Variants in MED12L observed in about 807,000 individuals in gnomAD.
MED12L encodes the protein mediator complex subunit 12L, also known as mediator of RNA polymerase II transcription subunit 12-like protein.
Under a neutral mutation model 281.3 loss-of-function variants are expected in MED12L, and 60 were observed. That is an observed-to-expected ratio of 0.21 (90% confidence interval 0.17 to 0.26). MED12L has a LOEUF of 0.26. Ranked by LOEUF, MED12L falls within the 10% of genes least tolerant of loss-of-function variation. MED12L has a pLI of 1.00. For synonymous variants in MED12L, 974 were observed against 987.2 expected, an observed-to-expected ratio of 0.99 and a Z score of 0.25; for missense variants, 2,146 against 2,680.9, an observed-to-expected ratio of 0.80 and a Z score of 4.41.
At position 151,382,639 on chromosome 3, in the gene MED12L, T is replaced by G; in HGVS notation, c.4591-17T>G. 1 of 1,596,040 alleles carries G rather than the reference T, an allele frequency of 6.3e-7. No homozygotes were observed. ...GAAAAATTAAACTTTAATGGGGAGT[T>G]TTTTTCCGGATCTTAGATTTTAAGT... On this transcript the variant is annotated splice_polypyrimidine_tract_variant and intron_variant, in intron 32 of 44. Coordinates refer to ENST00000687756, the MANE Select transcript of MED12L (RefSeq NM_001393769.1).
At chr3:151,299,994 C>T (rs1011993716) in intron 16 of MED12L, 14 of 1,051,006 alleles carry the variant, frequency 1.3e-5, no homozygotes. Context: ...TTAAACTCCC[C>T]AAATTCCCAA....
chr3:151,322,997 C>A (rs1000395231), intron 16 of MED12L, among the ~76,000 whole-genome samples: 23 of 152,132 alleles, frequency 1.5e-4, no homozygotes, highest in Non-Finnish European at 1.3e-4. Flanking sequence ...TGGAACATAC[C>A]CCAAATCCAC....
intron 5 of MED12L, among the ~76,000 whole-genome samples, chr3:151,136,701 A>T (rs1272390030): frequency 2.6e-5 from 4 of 152,194 alleles, no homozygotes; most frequent in African/African-American, 9.7e-5. Flanking sequence ...GAATGGCAAG[A>T]TGTAGGCATT....
At chr3:151,221,331 TTCAAGCCGGC>T (rs1349004359) in intron 16 of MED12L, among the ~76,000 whole-genome samples, 1 of 152,176 alleles carries the variant, frequency 6.6e-6, no homozygotes, top group African/African-American at 2.4e-5. Context: ...TGACGAGAAG[TTCAAGCCGGC>T]TGCAGAAGTT....
At chr3:151,179,094 C>T (rs1389693722) in intron 11 of MED12L, among the ~76,000 whole-genome samples, 1 of 152,146 alleles carries the variant, frequency 6.6e-6, no homozygotes, top group Non-Finnish European at 1.5e-5. Context: ...AATGCCAGCA[C>T]TTTGGAAAGC....
intron 2 of MED12L, among the ~76,000 whole-genome samples, chr3:151,101,715 G>A (rs1721417107): frequency 6.6e-6 from 1 of 151,542 alleles, no homozygotes; most frequent in African/African-American, 2.4e-5. Flanking sequence ...GGGGGTGGGG[G>A]ATGGTGGTGA....
chr3:151,161,626 C>T (rs1189974322), intron 8 of MED12L, among the ~76,000 whole-genome samples: 1 of 152,182 alleles, frequency 6.6e-6, no homozygotes, highest in African/African-American at 2.4e-5. Flanking sequence ...AGGCATCGTT[C>T]TAAGTTGCAA....
At position 151,413,873 on chromosome 3, in the gene MED12L, ATT is replaced by A. The variant is rs201952932; in HGVS notation, c.6297+592_6297+593del. ...GATAAAGGGTTCTTCCCCTTGATACATTTTTTTTTTTTTTTCCCCTTAAGACG... is the reference window on the plus strand; with the variant it reads ...GATAAAGGGTTCTTCCCCTTGATACATTTTTTTTTTTTTCCCCTTAAGACG... On this transcript the variant is annotated intron_variant, in intron 42 of 44. Transcript: ENST00000687756. Among the ~76,000 whole-genome samples the A allele has an allele frequency of 6.1e-3, 871 of 143,820 alleles. 5 individuals are homozygous for A. The highest frequency in any genetic ancestry group is 0.018 in the African/African-American group (695 of 38,702). The allele number at this position is 143,820 out of a possible 152,430, so 94.4% of individuals were successfully genotyped here.
intron 7 of MED12L, 124 bp from the exon 8 acceptor site, chr3:151,159,708 G>T (rs760464420): frequency 4.6e-6 from 4 of 864,410 alleles, no homozygotes; most frequent in African/African-American, 1.7e-5. Context: ...CTATTGGACA[G>T]CACTTGCTTT....
chr3:151,123,018 C>G (rs762547198), intron 4 of MED12L, 44 bp downstream of exon 4: 34 of 1,436,450 alleles, frequency 2.4e-5, no homozygotes, highest in Non-Finnish European at 3.0e-5. Context: ...GTCTTATAAT[C>G]AGCTGTTTGG....
chr3:151,160,196 C>A (rs962260438), intron 8 of MED12L, 95 bp downstream of exon 8: 2 of 1,231,002 alleles, frequency 1.6e-6, no homozygotes, highest in Non-Finnish European at 2.3e-6. Flanking sequence ...TGACTTTTTA[C>A]AACTCTAGTT....
At chr3:151,300,055 A>G in intron 16 of MED12L, 2 of 1,575,260 alleles carry the variant, frequency 1.3e-6, no homozygotes, top group African/African-American at 2.7e-5. Context: ...TGTATCTCTT[A>G]CGACGGCTTA....
rs760027299 is a variant in MED12L at position 151,365,896 on chromosome 3, A to C, written c.3232A>C (p.Thr1078Pro). 1 of 1,613,532 alleles carries C rather than the reference A, an allele frequency of 6.2e-7. No homozygotes were observed. The highest frequency in any genetic ancestry group is 1.1e-5 in the South Asian group (1 of 91,040). ...NFSSELTACC[T>P]VLSSEWLGVL... The stretch of plus-strand genomic sequence containing the variant: ...CTCCTCTGAGCTTACGGCTTGCTGC[A>C]CTGTTCTTAGTTCAGAATGGCTGGG... Residue 1078 changes from threonine to proline, a missense_variant, in exon 23 of 45, where the codon ACT becomes CCT. By Grantham distance (38) the Thr-to-Pro change is conservative. Around this residue, in one of 9 missense-constraint regions of MED12L, gnomAD observed 404 missense variants for 603.5 expected, o/e 0.67. Coordinates refer to ENST00000687756, the MANE Select transcript of MED12L (RefSeq NM_001393769.1).
At position 151,242,594 on chromosome 3, in the gene MED12L, A is replaced by G. The variant is rs1208939657; in HGVS notation, c.2250+48928A>G. Among the ~76,000 whole-genome samples, 8 of 152,194 alleles carry G rather than the reference A, an allele frequency of 5.3e-5. No individual in the cohort carries two copies. The East Asian group carries it at 1.3e-3, about 26-fold the overall frequency. ...AGGAAAACTAACAAACAGAAAACACATCCACACCAAAAACCCATCTGTACA... is the reference window on the plus strand; with the variant it reads ...AGGAAAACTAACAAACAGAAAACACGTCCACACCAAAAACCCATCTGTACA... On this transcript the variant is annotated intron_variant, in intron 16 of 44. Transcript: ENST00000687756.
At chr3:151,126,334 G>A (rs549201851) in intron 4 of MED12L, among the ~76,000 whole-genome samples, 7 of 152,098 alleles carry the variant, frequency 4.6e-5, no homozygotes, top group Admixed American at 2.0e-4. Context: ...CTGAGCTGCC[G>A]TGCAGGGCCT....
intron 16 of MED12L, among the ~76,000 whole-genome samples, chr3:151,343,912 C>T (rs555499812): frequency 6.6e-6 from 1 of 151,950 alleles, no homozygotes; most frequent in Non-Finnish European, 1.5e-5. Flanking sequence ...TGTTTTAGTT[C>T]CAGTGGTCTC....
At position 151,318,361 on chromosome 3, in the gene MED12L, C is replaced by CT. The variant is rs5853515; in HGVS notation, c.2251-31685dup. The stretch of plus-strand genomic sequence containing the variant: ...TGAAGCCAGTTTCTTTTCTTTTCTT[C>CT]TTTTTTTTTTTTTGAAACCAGTTTG... On this transcript the variant is annotated intron_variant, in intron 16 of 44. Coordinates refer to ENST00000687756, the MANE Select transcript of MED12L (RefSeq NM_001393769.1). Among the ~76,000 whole-genome samples the CT allele has an allele frequency of 8.2e-3, 1,183 of 144,944 alleles. 10 individuals carry two copies. Among genetic ancestry groups the CT allele is most frequent in the South Asian group, 0.025 (113 of 4,608 alleles).
chr3:151,086,235 G>T (rs867843724), intron 1 of MED12L, among the ~76,000 whole-genome samples: 33 of 152,276 alleles, frequency 2.2e-4, no homozygotes, highest in African/African-American at 7.7e-4. Context: ...CGGGCGTCTA[G>T]GAGGCACCGG....
At chr3:151,269,441 A>ACACACACACAC (rs1559962861) in intron 16 of MED12L, 79 of 231,362 alleles carry the variant, frequency 3.4e-4, no homozygotes, top group Middle Eastern at 1.5e-3. Flanking sequence ...ACACACACAC[A>ACACACACACAC]AAATTCAGAG....
Sources: gnomAD v4.1 joint callset for allele counts (sites outside exome capture counted in the v4.1 genomes callset) on GRCh38, gnomAD v4.1.1 for gene constraint, gnomAD v4.1.1 regional missense constraint, MANE v1.5 for transcripts, NCBI Gene and HGNC (gene_info 2026-07-23, HGNC 2026-07-21) for gene names.